RMDN2: variants seen among roughly 807,000 people sequenced by gnomAD.
RMDN2 encodes the protein regulator of microtubule dynamics 2, also known as regulator of microtubule dynamics protein 2.
In RMDN2, 61 loss-of-function variants were observed where a neutral mutation model predicts 52.8. The observed-to-expected ratio is 1.16, with a 90% confidence interval of 0.94 to 1.43. The LOEUF is 1.43. Ranked by LOEUF, RMDN2 falls within the 40% of genes most tolerant of loss-of-function variation. RMDN2 has a pLI of 0.00. For missense variants in RMDN2, 592 were observed against 475.3 expected (o/e 1.25, Z -2.28); for synonymous variants, 180 against 153.1 (o/e 1.18, Z -1.30).
At chr2:37,944,054 A>C (rs1668017935) in intron 2 of RMDN2, among the ~76,000 whole-genome samples, 1 of 152,162 alleles carries the variant, frequency 6.6e-6, no homozygotes, top group Non-Finnish European at 1.5e-5. Flanking sequence ...GTTTACACAT[A>C]GGGGAAAACA....
intron 5 of RMDN2, among the ~76,000 whole-genome samples, chr2:37,986,509 A>G (rs1262611256): frequency 6.6e-6 from 1 of 152,132 alleles, no homozygotes; most frequent in East Asian, 1.9e-4. Flanking sequence ...ATTATCTCTC[A>G]TGAATATAGA....
intron 4 of RMDN2, among the ~76,000 whole-genome samples, chr2:37,975,919 CT>C (rs1163310992): frequency 6.6e-6 from 1 of 152,106 alleles, no homozygotes; most frequent in Non-Finnish European, 1.5e-5. Context: ...CATCTTTTAA[CT>C]TTATAAAACT....
At chr2:38,029,350 G>T (rs1247591052) in intron 10 of RMDN2, 1 of 152,048 alleles carries the variant, frequency 6.6e-6, no homozygotes, top group Middle Eastern at 3.2e-3. Context: ...CAAGGCCTGG[G>T]CCAAGGGATG....
intron 2 of RMDN2, among the ~76,000 whole-genome samples, chr2:37,933,477 G>A (rs1158720741): frequency 6.6e-6 from 1 of 152,264 alleles, no homozygotes; most frequent in East Asian, 1.9e-4. Flanking sequence ...CCCAGCCTGG[G>A]CACCATTGAG....
intron 10 of RMDN2, among the ~76,000 whole-genome samples, chr2:38,065,516 C>G (rs1290786707): frequency 6.6e-6 from 1 of 152,124 alleles, no homozygotes; most frequent in Non-Finnish European, 1.5e-5. Flanking sequence ...TCAAATGATT[C>G]AAAACTAGTT....
chr2:37,924,174 G>T (rs1349002728), upstream of RMDN2, among the ~76,000 whole-genome samples: 2 of 152,196 alleles, frequency 1.3e-5, no homozygotes, highest in Non-Finnish European at 2.9e-5. Context: ...GTAAACAGTA[G>T]TATATGGATT....
intron 2 of RMDN2, among the ~76,000 whole-genome samples, chr2:37,947,993 T>C (rs948020578): frequency 7.9e-5 from 12 of 152,140 alleles, no homozygotes; most frequent in African/African-American, 2.9e-4. Context: ...TTTTCTAGAC[T>C]CCAGCTTAGA....
chr2:38,046,153 C>T (rs1292161327), intron 10 of RMDN2, among the ~76,000 whole-genome samples: 8 of 152,210 alleles, frequency 5.3e-5, no homozygotes, highest in African/African-American at 1.9e-4. Context: ...TCCACATGCA[C>T]AGAGAAGACA....
chr2:37,921,956 C>T (rs913648207), upstream of RMDN2, among the ~76,000 whole-genome samples: 1 of 152,126 alleles, frequency 6.6e-6, no homozygotes, highest in Non-Finnish European at 1.5e-5. Context: ...CCCTTTGCTC[C>T]TCCTCGTTTA....
intron 2 of RMDN2, among the ~76,000 whole-genome samples, chr2:37,973,587 G>A (rs903100606): frequency 2.0e-5 from 3 of 152,140 alleles, no homozygotes; most frequent in African/African-American, 7.2e-5. Context: ...CATTATGAGG[G>A]AGGTTAGAGA....
At chr2:37,983,468 C>G (rs1011841203) in intron 5 of RMDN2, among the ~76,000 whole-genome samples, 1 of 152,088 alleles carries the variant, frequency 6.6e-6, no homozygotes, top group African/African-American at 2.4e-5. Context: ...TAAATCTTAT[C>G]AAAACACAGA....
At chr2:38,051,486 G>C (rs1452836795) in intron 10 of RMDN2, among the ~76,000 whole-genome samples, 1 of 151,966 alleles carries the variant, frequency 6.6e-6, no homozygotes, top group East Asian at 1.9e-4. Flanking sequence ...ATCAAATTGG[G>C]GTATTTATGA....
At chr2:38,023,045 C>A (rs1679512657) in intron 10 of RMDN2, among the ~76,000 whole-genome samples, 1 of 152,190 alleles carries the variant, frequency 6.6e-6, no homozygotes, top group Non-Finnish European at 1.5e-5. Context: ...AGAATGGTAA[C>A]ACTTACCTGG....
chr2:38,041,113 G>C (rs921314186), intron 10 of RMDN2, among the ~76,000 whole-genome samples: 1 of 152,050 alleles, frequency 6.6e-6, no homozygotes, highest in Non-Finnish European at 1.5e-5. Flanking sequence ...GTTCATTTTG[G>C]GGGGTTTTCT....
chr2:37,956,286 G>T (rs1288233811), intron 2 of RMDN2, among the ~76,000 whole-genome samples: 6 of 152,080 alleles, frequency 3.9e-5, no homozygotes. Context: ...AGTAGTTTGT[G>T]TGTTTCCAGG....
chr2:37,959,286 C>T (rs1266212637), intron 2 of RMDN2, among the ~76,000 whole-genome samples: 1 of 150,826 alleles, frequency 6.6e-6, no homozygotes, highest in African/African-American at 2.5e-5. Flanking sequence ...TGGACCTGGG[C>T]TTTTTATGGT....
chr2:37,996,720 C>A (rs1675603224), intron 7 of RMDN2, among the ~76,000 whole-genome samples: 1 of 151,574 alleles, frequency 6.6e-6, no homozygotes, highest in African/African-American at 2.4e-5. Flanking sequence ...TTTAAGTGTT[C>A]ATTTTTGAGC....
intron 2 of RMDN2, among the ~76,000 whole-genome samples, chr2:37,956,321 A>T (rs1447402863): frequency 6.6e-6 from 1 of 152,078 alleles, no homozygotes; most frequent in Admixed American, 6.6e-5. Context: ...ATCTAGGTTA[A>T]TCAATTCGCT....
chr2:37,966,515 C>G (rs1269357729), intron 2 of RMDN2, among the ~76,000 whole-genome samples: 1 of 151,970 alleles, frequency 6.6e-6, no homozygotes, highest in Non-Finnish European at 1.5e-5. Context: ...CACTTTCTCT[C>G]TCTTCTCCTT....
Sources: gnomAD v4.1 joint callset for allele counts (sites outside exome capture counted in the v4.1 genomes callset) on GRCh38, gnomAD v4.1.1 for gene constraint, MANE v1.5 for transcripts, NCBI Gene and HGNC (gene_info 2026-07-23, HGNC 2026-07-21) for gene names.